EDIL3: variants seen among roughly 807,000 people sequenced by gnomAD.
EDIL3 encodes the protein EGF-like repeat and discoidin I-like domain-containing protein 3.
Under a neutral mutation model 67.4 loss-of-function variants are expected in EDIL3, and 37 were observed. The observed-to-expected ratio is 0.55, with a 90% confidence interval of 0.42 to 0.72. The LOEUF (loss-of-function observed/expected upper bound fraction) is 0.72, where lower values mean the gene tolerates loss of function less well. Ranked by LOEUF, EDIL3 falls within the 30% of genes least tolerant of loss-of-function variation. The pLI, the probability that EDIL3 is intolerant of heterozygous loss-of-function variation, is 0.00. For synonymous variants in EDIL3, 195 were observed against 196.3 expected (o/e 0.99, Z 0.05); for missense variants, 527 against 586.3 (o/e 0.90, Z 1.04).
intron 2 of EDIL3, among the ~76,000 whole-genome samples, chr5:84,234,291 C>T (rs1424560332): frequency 6.6e-6 from 1 of 152,106 alleles, no homozygotes; most frequent in Non-Finnish European, 1.5e-5. Flanking sequence ...CAGGACATTC[C>T]ACCAGTGTAC....
At chr5:83,948,020 C>T (rs1053347967) in intron 10 of EDIL3, among the ~76,000 whole-genome samples, 1 of 151,814 alleles carries the variant, frequency 6.6e-6, no homozygotes, top group African/African-American at 2.4e-5. Flanking sequence ...TGTAGACATA[C>T]TGTGAATAAC....
intron 5 of EDIL3, among the ~76,000 whole-genome samples, chr5:84,119,699 G>GT (rs1453547035): frequency 6.6e-6 from 1 of 151,928 alleles, no homozygotes; most frequent in Admixed American, 6.6e-5. Flanking sequence ...TTATAATCGA[G>GT]TTTTTCCCCC....
At chr5:84,055,558 A>T (rs2086383768) in intron 9 of EDIL3, among the ~76,000 whole-genome samples, 1 of 152,106 alleles carries the variant, frequency 6.6e-6, no homozygotes, top group East Asian at 1.9e-4. Context: ...CAATCTAGTC[A>T]TCTGACAAAG....
chr5:84,145,629 A>C (rs1338998628), intron 4 of EDIL3, among the ~76,000 whole-genome samples: 1 of 152,120 alleles, frequency 6.6e-6, no homozygotes, highest in South Asian at 2.1e-4. Flanking sequence ...TTGAGTCCAT[A>C]TCACTCAGAC....
At chr5:84,105,491 C>T (rs1377711765) in intron 6 of EDIL3, among the ~76,000 whole-genome samples, 4 of 151,934 alleles carry the variant, frequency 2.6e-5, no homozygotes, top group African/African-American at 9.7e-5. Context: ...TTCGTTTATA[C>T]CAAATGCCTG....
chr5:84,125,865 CGGT>C (rs1747861440), intron 5 of EDIL3, among the ~76,000 whole-genome samples: 1 of 151,486 alleles, frequency 6.6e-6, no homozygotes, highest in South Asian at 2.1e-4. Flanking sequence ...TGAAAAGGTT[CGGT>C]TGAATATGCT....
intron 4 of EDIL3, among the ~76,000 whole-genome samples, chr5:84,178,369 C>T (rs1336117171): frequency 6.6e-6 from 1 of 152,064 alleles, no homozygotes; most frequent in African/African-American, 2.4e-5. Flanking sequence ...AAACTATTAC[C>T]ACCATGAAAA....
chr5:84,383,880 G>C (rs1479052923), intron 1 of EDIL3, among the ~76,000 whole-genome samples: 1 of 152,094 alleles, frequency 6.6e-6, no homozygotes, highest in Non-Finnish European at 1.5e-5. Context: ...GCCTCTTCCC[G>C]CATCAACTAG....
At chr5:84,323,405 A>T (rs1746687825) in intron 1 of EDIL3, among the ~76,000 whole-genome samples, 1 of 151,980 alleles carries the variant, frequency 6.6e-6, no homozygotes, top group African/African-American at 2.4e-5. Context: ...CAAAGAGAGT[A>T]GCTATAGAAT....
At chr5:84,135,132 C>T (rs558546117) in intron 5 of EDIL3, among the ~76,000 whole-genome samples, 1 of 152,248 alleles carries the variant, frequency 6.6e-6, no homozygotes, top group East Asian at 1.9e-4. Context: ...GCTCCACATT[C>T]TAGGTCTCCT....
intron 1 of EDIL3, among the ~76,000 whole-genome samples, chr5:84,279,618 C>A (rs192403210): frequency 3.3e-5 from 5 of 152,268 alleles, no homozygotes; most frequent in Admixed American, 3.3e-4. Flanking sequence ...CCTTGCCTCT[C>A]AGGTTCTAAT....
Position 84,106,760 on chromosome 5 carries a change from G to T in EDIL3, c.540C>A (p.His180Gln). The T allele has an allele frequency of 1.9e-6, 3 of 1,613,500 alleles. No individual in the cohort carries two copies. The highest frequency in any genetic ancestry group is 2.5e-6 in the Non-Finnish European group (3 of 1,179,636). Residue 180 changes from histidine to glutamine, a missense_variant, in exon 6 of 11, where the codon CAC becomes CAA. Physicochemically the swap from His to Gln is conservative, Grantham distance 24. Coordinates refer to ENST00000296591, the MANE Select transcript of EDIL3 (RefSeq NM_005711.5). ...ATTTTTGGAGTCCAAAAAGAGCTCG[G>T]TGAGTAGAGGAAGCTGTGATTTGCT... is the stretch of plus-strand genomic sequence containing the variant. ...SNQQITASST[H>Q]RALFGLQKWY...
chr5:84,280,189 C>T (rs745929052), intron 1 of EDIL3, among the ~76,000 whole-genome samples: 16 of 152,078 alleles, frequency 1.1e-4, no homozygotes, highest in Admixed American at 2.6e-4. Flanking sequence ...CCCTCATTGC[C>T]CTTCCCTTCT....
chr5:83,990,608 C>T (rs377108192), intron 9 of EDIL3, among the ~76,000 whole-genome samples: 12 of 151,462 alleles, frequency 7.9e-5, no homozygotes, highest in South Asian at 2.1e-4. Flanking sequence ...TGGCCGGGCA[C>T]GGTGGCTCAC....
chr5:83,994,079 G>A (rs989687620), intron 9 of EDIL3, among the ~76,000 whole-genome samples: 5 of 152,064 alleles, frequency 3.3e-5, no homozygotes, highest in African/African-American at 1.2e-4. Context: ...TATGTTAAAC[G>A]GTCATTGAAA....
chr5:84,113,303 C>A (rs1747606382), intron 5 of EDIL3, among the ~76,000 whole-genome samples: 1 of 152,108 alleles, frequency 6.6e-6, no homozygotes, highest in African/African-American at 2.4e-5. Context: ...ATTAATGAGT[C>A]CATTCAACAT....
intron 4 of EDIL3, among the ~76,000 whole-genome samples, chr5:84,149,967 T>C (rs1390006014): frequency 6.6e-6 from 1 of 152,084 alleles, no homozygotes; most frequent in Non-Finnish European, 1.5e-5. Context: ...CACATATAGT[T>C]AGTCTAAAAT....
intron 4 of EDIL3, among the ~76,000 whole-genome samples, chr5:84,149,991 G>A (rs1229353983): frequency 6.6e-6 from 1 of 152,026 alleles, no homozygotes; most frequent in Non-Finnish European, 1.5e-5. Context: ...TGTGATTGGA[G>A]TCCTTGAAAA....
chr5:84,303,041 T>A (rs1368922070), intron 1 of EDIL3, among the ~76,000 whole-genome samples: 1 of 152,228 alleles, frequency 6.6e-6, no homozygotes, highest in East Asian at 1.9e-4. Context: ...CCTTGTTGTA[T>A]CTAGAACATA....
Sources: allele counts gnomAD v4.1 joint callset (sites outside exome capture counted in the v4.1 genomes callset), GRCh38; gene constraint gnomAD v4.1.1; transcripts MANE v1.5; gene names NCBI Gene and HGNC (gene_info 2026-07-23, HGNC 2026-07-21).